The following MGAT4A variants were observed in gnomAD, a reference collection of about 807,000 sequenced individuals.
The protein encoded by MGAT4A is alpha-1,3-mannosyl-glycoprotein 4-beta-N-acetylglucosaminyltransferase A.
MGAT4A carries 33 observed loss-of-function variants against 74.1 expected under a neutral mutation model. The observed-to-expected ratio is 0.45, with a 90% CI of 0.34 to 0.60. The LOEUF is 0.60. Ranked by LOEUF, MGAT4A falls within the 20% of genes least tolerant of loss-of-function variation. The probability of loss-of-function intolerance (pLI) is 0.02; values close to 1 mark genes in which losing one functional copy is unlikely to be tolerated. For missense variants in MGAT4A, 479 were observed against 628.3 expected (o/e 0.76, Z 2.54); for synonymous variants, 198 against 210.4 (o/e 0.94, Z 0.51).
chr2:98,674,997 CAGT>C, intron 4 of MGAT4A, 35 bp downstream of exon 4: 8 of 1,594,202 alleles, frequency 5.0e-6, no homozygotes, highest in Non-Finnish European at 6.8e-6. Context: ...CATTTAACAG[CAGT>C]AGTACAACTG....
At chr2:98,720,683 T>G (rs949042244) in intron 2 of MGAT4A, among the ~76,000 whole-genome samples, 3 of 151,998 alleles carry the variant, frequency 2.0e-5, no homozygotes, top group Admixed American at 6.6e-5. Context: ...AATACATGCC[T>G]CAAGAATAGA....
At chr2:98,723,400 C>T (rs1437222643) in intron 2 of MGAT4A, among the ~76,000 whole-genome samples, 2 of 152,192 alleles carry the variant, frequency 1.3e-5, no homozygotes, top group East Asian at 1.9e-4. Context: ...GTAGCAGTTA[C>T]GTCAGACTAG....
At chr2:98,641,678 A>C (rs1246273824) in intron 10 of MGAT4A, among the ~76,000 whole-genome samples, 1 of 149,700 alleles carries the variant, frequency 6.7e-6, no homozygotes, top group Non-Finnish European at 1.5e-5. Flanking sequence ...TCCGTCTCAC[A>C]AAAGAAAAAA....
At chr2:98,686,816 T>C (rs1702137302) in intron 2 of MGAT4A, among the ~76,000 whole-genome samples, 1 of 152,104 alleles carries the variant, frequency 6.6e-6, no homozygotes, top group Non-Finnish European at 1.5e-5. Flanking sequence ...CAAATCTAAA[T>C]AGACGTAATA....
At chr2:98,683,292 G>A (rs1471548355) in intron 2 of MGAT4A, among the ~76,000 whole-genome samples, 1 of 152,082 alleles carries the variant, frequency 6.6e-6, no homozygotes, top group Non-Finnish European at 1.5e-5. Flanking sequence ...TACAGAATGG[G>A]TATGATTGTG....
At chr2:98,680,110 G>A (rs192143564) in intron 2 of MGAT4A, among the ~76,000 whole-genome samples, 35 of 147,570 alleles carry the variant, frequency 2.4e-4, no homozygotes, top group Non-Finnish European at 4.5e-4. Context: ...GCGCGATCTC[G>A]GCTCACTGCT....
chr2:98,712,384 C>T (rs1702530464), intron 2 of MGAT4A, among the ~76,000 whole-genome samples: 1 of 152,174 alleles, frequency 6.6e-6, no homozygotes, highest in Non-Finnish European at 1.5e-5. Flanking sequence ...TGTCTGGGTC[C>T]TTCAGAGATG....
chr2:98,691,727 A>G (rs2104303128), intron 2 of MGAT4A, among the ~76,000 whole-genome samples: 1 of 152,300 alleles, frequency 6.6e-6, no homozygotes, highest in East Asian at 1.9e-4. Context: ...TTACCTGGAA[A>G]ACAGCCTCAG....
At chr2:98,640,382 G>C (rs1429210215) in intron 10 of MGAT4A, among the ~76,000 whole-genome samples, 154 bp from the exon 11 acceptor site, 1 of 152,178 alleles carries the variant, frequency 6.6e-6, no homozygotes, top group East Asian at 1.9e-4. Flanking sequence ...GGCCAAGGCA[G>C]GTGGATCACC....
rs925181978 is a variant in MGAT4A at position 98,621,306 on chromosome 2, G to A, written c.*4260C>T. ...AATGCCTTTCCAAGCCTATGAATGA[G>A]CTTATGGGCTGAATTCAGTTCCCGT... On this transcript the variant is annotated 3_prime_UTR_variant, in exon 16 of 16. Transcript: ENST00000393487. The A allele has an allele frequency of 6.5e-5, 91 of 1,402,048 alleles. 1 individual carries two copies. Among genetic ancestry groups the A allele is most frequent in the Admixed American group, 3.5e-4 (13 of 36,738 alleles). The allele number at this position is 1,402,048 out of a possible 1,614,324, so 86.9% of individuals were successfully genotyped here. A position where few individuals can be genotyped will look rare whatever the true frequency, so the allele number is the denominator to read the frequency against.
chr2:98,662,053 C>T (rs1701758583), intron 5 of MGAT4A, among the ~76,000 whole-genome samples: 1 of 152,064 alleles, frequency 6.6e-6, no homozygotes, highest in Admixed American at 6.5e-5. Context: ...GCATGAGAAC[C>T]GCTAACTGCA....
intron 14 of MGAT4A, among the ~76,000 whole-genome samples, chr2:98,628,248 T>C (rs370578784): frequency 7.2e-5 from 11 of 152,218 alleles, no homozygotes; most frequent in African/African-American, 2.7e-4. Flanking sequence ...GCAGTACCAG[T>C]GACAACTCCG....
chr2:98,648,622 G>A (rs867722039), intron 8 of MGAT4A, among the ~76,000 whole-genome samples: 1 of 151,984 alleles, frequency 6.6e-6, no homozygotes, highest in Non-Finnish European at 1.5e-5. Context: ...AGGAGGCTGA[G>A]GTGGGAGGAT....
chr2:98,726,982 T>A (rs987392485), intron 1 of MGAT4A: 1 of 139,718 alleles, frequency 7.2e-6, no homozygotes, highest in Non-Finnish European at 1.5e-5. Flanking sequence ...GAATACAATA[T>A]ATAAGGGTCA....
At chr2:98,684,242 C>T (rs1702099882) in intron 2 of MGAT4A, among the ~76,000 whole-genome samples, 1 of 152,184 alleles carries the variant, frequency 6.6e-6, no homozygotes, top group Admixed American at 6.5e-5. Flanking sequence ...CTATTGTCAA[C>T]ATTAGTAGAA....
intron 2 of MGAT4A, among the ~76,000 whole-genome samples, chr2:98,692,386 G>A (rs576941263): frequency 1.3e-5 from 2 of 152,200 alleles, no homozygotes; most frequent in Admixed American, 6.5e-5. Context: ...TTCCATATGT[G>A]AGCCACTACC....
intron 4 of MGAT4A, among the ~76,000 whole-genome samples, chr2:98,674,493 T>G (rs1336124402): frequency 6.6e-6 from 1 of 152,168 alleles, no homozygotes; most frequent in African/African-American, 2.4e-5. Flanking sequence ...GAGTGGTAAA[T>G]AGTTTCTATA....
Position 98,622,831 on chromosome 2 carries a change from G to A in MGAT4A, c.*2735C>T, listed in dbSNP as rs554084041. The A allele has an allele frequency of 4.1e-5, 40 of 985,614 alleles. No homozygotes were observed. The highest frequency in any genetic ancestry group is 5.2e-4 in the Middle Eastern group (1 of 1,916). 61.1% of individuals were successfully genotyped at this position (985,614 alleles called of 1,614,324 possible). Reference sequence around the variant, plus strand: ...CAACCGATTGTGTATGCAAGAGTATGGCAACGACAGCAGGGAGAGGGAGTT... The same window carrying A: ...CAACCGATTGTGTATGCAAGAGTATAGCAACGACAGCAGGGAGAGGGAGTT... On this transcript the variant is annotated 3_prime_UTR_variant, in exon 16 of 16. Coordinates refer to ENST00000393487, the MANE Select transcript of MGAT4A (RefSeq NM_012214.3).
At chr2:98,640,365 G>A (rs1406702965) in intron 10 of MGAT4A, 137 bp from the exon 11 acceptor site, 1 of 682,636 alleles carries the variant, frequency 1.5e-6, no homozygotes, top group African/African-American at 1.8e-5. Flanking sequence ...ATCCCAGCAT[G>A]TTGAAAGGCC....
Sources: gnomAD v4.1 joint callset for allele counts (sites outside exome capture counted in the v4.1 genomes callset) on GRCh38, gnomAD v4.1.1 for gene constraint, MANE v1.5 for transcripts, NCBI Gene and HGNC (gene_info 2026-07-23, HGNC 2026-07-21) for gene names.